MIPOL1: variants seen among roughly 807,000 people sequenced by gnomAD.
MIPOL1 encodes mirror-image polydactyly gene 1 protein.
A neutral mutation model predicts 60.9 loss-of-function variants in MIPOL1; 57 were observed. That is an observed-to-expected ratio of 0.94 (90% CI 0.76 to 1.17). MIPOL1 has a LOEUF of 1.17. Ranked by LOEUF, MIPOL1 falls within the 50% of genes most tolerant of loss-of-function variation. The pLI is 0.00. For missense variants in MIPOL1, 551 were observed against 511.6 expected (o/e 1.08, Z -0.74); for synonymous variants, 179 against 168.8 (o/e 1.06, Z -0.47).
intron 12 of MIPOL1, among the ~76,000 whole-genome samples, chr14:37,526,578 T>C (rs894996683): frequency 1.3e-5 from 2 of 151,080 alleles, no homozygotes; most frequent in Non-Finnish European, 3.0e-5. Context: ...AGACGGGGTT[T>C]CACCGTTTTA....
chr14:37,517,055 A>T (rs1189741574), intron 12 of MIPOL1, among the ~76,000 whole-genome samples: 1 of 152,168 alleles, frequency 6.6e-6, no homozygotes, highest in East Asian at 1.9e-4. Flanking sequence ...GCAACTTAGT[A>T]TCGAGTAAAA....
chr14:37,485,295 G>A lies in MIPOL1; in HGVS notation c.1032-14613G>A, dbSNP rs917011464. Among the ~76,000 whole-genome samples, 16 of 152,250 alleles carry A rather than the reference G, an allele frequency of 1.1e-4. No individual in the cohort carries two copies. The East Asian group carries it at 2.7e-3, about 26-fold the overall frequency. ...GTGAACAGTGCCGCAGTAAACATAC[G>A]TGTGCATGTGTCTTTATACTGGAAT... On this transcript the variant is annotated intron_variant, in intron 11 of 12. Coordinates refer to ENST00000684589, the MANE Select transcript of MIPOL1 (RefSeq NM_001388067.1).
At chr14:37,519,545 A>C (rs1352163062) in intron 12 of MIPOL1, among the ~76,000 whole-genome samples, 1 of 151,984 alleles carries the variant, frequency 6.6e-6, no homozygotes, top group Non-Finnish European at 1.5e-5. Flanking sequence ...TTAACATATT[A>C]CTCATCTTGA....
intron 11 of MIPOL1, among the ~76,000 whole-genome samples, chr14:37,485,580 C>T (rs548238874): frequency 2.6e-5 from 4 of 152,118 alleles, no homozygotes; most frequent in Non-Finnish European, 5.9e-5. Flanking sequence ...TATCTAATGA[C>T]CAGTGATGAT....
chr14:37,216,067 A>T (rs1370859157), intron 1 of MIPOL1, among the ~76,000 whole-genome samples: 2 of 150,192 alleles, frequency 1.3e-5, no homozygotes, highest in East Asian at 3.9e-4. Flanking sequence ...CATCTCAAAA[A>T]AAAAAAAAAA....
At chr14:37,451,376 T>A (rs907968613) in intron 11 of MIPOL1, among the ~76,000 whole-genome samples, 5 of 152,148 alleles carry the variant, frequency 3.3e-5, no homozygotes, top group Admixed American at 1.3e-4. Context: ...TCTACTTGTG[T>A]TTTTTTGAGA....
chr14:37,358,698 A>T (rs551230608), intron 9 of MIPOL1, among the ~76,000 whole-genome samples: 1 of 152,100 alleles, frequency 6.6e-6, no homozygotes, highest in East Asian at 1.9e-4. Context: ...TTTTCTTGTA[A>T]ATTTGTTAAA....
intron 1 of MIPOL1, among the ~76,000 whole-genome samples, chr14:37,228,200 T>C (rs1970049811): frequency 6.6e-6 from 1 of 152,180 alleles, no homozygotes; most frequent in African/African-American, 2.4e-5. Context: ...TTCTCTCACC[T>C]ATTCTTTCAG....
intron 11 of MIPOL1, among the ~76,000 whole-genome samples, chr14:37,475,499 C>T (rs1334130321): frequency 1.3e-5 from 2 of 151,966 alleles, no homozygotes; most frequent in Non-Finnish European, 2.9e-5. Flanking sequence ...GATCATCAAG[C>T]CCAAGGTCAC....
At chr14:37,369,481 A>G (rs1357213367) in intron 9 of MIPOL1, 36 bp from the exon 10 acceptor site, 26 of 1,489,128 alleles carry the variant, frequency 1.7e-5, no homozygotes, top group Non-Finnish European at 2.2e-5. Context: ...AAATGCTATA[A>G]CTCCTTTACT....
At chr14:37,206,323 G>GGAA (rs760345214) in intron 1 of MIPOL1, among the ~76,000 whole-genome samples, 4 of 152,182 alleles carry the variant, frequency 2.6e-5, no homozygotes, top group Middle Eastern at 3.2e-3. Context: ...CCGAAGCCTT[G>GGAA]GAAGCTTCCA....
chr14:37,332,603 A>G (rs887894147), intron 9 of MIPOL1, among the ~76,000 whole-genome samples: 1 of 152,220 alleles, frequency 6.6e-6, no homozygotes, highest in Non-Finnish European at 1.5e-5. Context: ...AGAAAATTGT[A>G]AGGAAGAGAA....
At chr14:37,383,555 C>T (rs17768201) in intron 10 of MIPOL1, among the ~76,000 whole-genome samples, 33,193 of 151,676 alleles carry the variant, frequency 0.22, 4,103 homozygotes, top group South Asian at 0.35. Flanking sequence ...TGAGGTGCCT[C>T]TTTTAAAAAT....
chr14:37,511,097 A>G (rs568960488), intron 12 of MIPOL1, among the ~76,000 whole-genome samples: 1 of 152,304 alleles, frequency 6.6e-6, no homozygotes, highest in East Asian at 1.9e-4. Flanking sequence ...AAAATTTTTA[A>G]TATTTTCTGA....
chr14:37,545,910 A>T (rs529683172), intron 12 of MIPOL1: 1 of 330,534 alleles, frequency 3.0e-6, no homozygotes, highest in Admixed American at 5.0e-5. Flanking sequence ...CTTACCGTAA[A>T]GTCTTTGAGA....
intron 7 of MIPOL1, among the ~76,000 whole-genome samples, chr14:37,297,347 C>G (rs1003640945): frequency 1.3e-5 from 2 of 152,182 alleles, no homozygotes; most frequent in Non-Finnish European, 2.9e-5. Flanking sequence ...CAGCCAGTAT[C>G]ATACTGAATG....
intron 1 of MIPOL1, among the ~76,000 whole-genome samples, chr14:37,220,295 A>T (rs1041889733): frequency 4.6e-5 from 7 of 152,198 alleles, no homozygotes; most frequent in African/African-American, 1.7e-4. Flanking sequence ...TCAAACATGT[A>T]CATATAATCT....
chr14:37,370,315 G>T (rs770988078), intron 10 of MIPOL1, among the ~76,000 whole-genome samples: 1 of 152,018 alleles, frequency 6.6e-6, no homozygotes, highest in African/African-American at 2.4e-5. Context: ...CTAGTTCCCA[G>T]TATAGTGCCT....
At chr14:37,213,415 C>G (rs1006866532) in intron 1 of MIPOL1, among the ~76,000 whole-genome samples, 1 of 152,094 alleles carries the variant, frequency 6.6e-6, no homozygotes, top group African/African-American at 2.4e-5. Flanking sequence ...GCTGAAAATG[C>G]AATTGACATA....
Sources: allele counts gnomAD v4.1 joint callset (sites outside exome capture counted in the v4.1 genomes callset), GRCh38; gene constraint gnomAD v4.1.1; transcripts MANE v1.5; gene names NCBI Gene and HGNC (gene_info 2026-07-23, HGNC 2026-07-21).